The following STRN variants were observed in gnomAD, a reference collection of about 807,000 sequenced individuals.
The protein encoded by STRN is protein phosphatase 2 regulatory subunit B'''alpha.
Under a neutral mutation model 96.3 loss-of-function variants are expected in STRN, and 53 were observed. The observed-to-expected ratio is 0.55, with a 90% CI of 0.44 to 0.69. STRN has a LOEUF of 0.69. Among genes scored for constraint, STRN ranks in the 30% least tolerant of loss-of-function variants. The pLI, the probability that STRN is intolerant of heterozygous loss-of-function variation, is 0.00. For missense variants in STRN, 987 were observed against 963.9 expected, an observed-to-expected ratio of 1.02 and a Z score of -0.32; for synonymous variants, 428 against 355.9, an observed-to-expected ratio of 1.20 and a Z score of -2.28.
At chr2:36,941,148 C>A (rs980648940) in intron 1 of STRN, among the ~76,000 whole-genome samples, 1 of 152,154 alleles carries the variant, frequency 6.6e-6, no homozygotes, top group Non-Finnish European at 1.5e-5. Flanking sequence ...AGAGGTGAGA[C>A]CCTGTCTCAA....
At chr2:36,900,547 T>G (rs570436458) in intron 5 of STRN, among the ~76,000 whole-genome samples, 2 of 152,144 alleles carry the variant, frequency 1.3e-5, no homozygotes, top group Admixed American at 1.3e-4. Context: ...CTCTTAGAAA[T>G]AGTTGAATTT....
chr2:36,958,449 T>C (rs762324345), intron 1 of STRN, among the ~76,000 whole-genome samples: 14 of 152,192 alleles, frequency 9.2e-5, no homozygotes, highest in Non-Finnish European at 1.8e-4. Flanking sequence ...ACAATATTTT[T>C]TTAAGAAATG....
intron 13 of STRN, 61 bp downstream of exon 13, chr2:36,861,071 T>C (rs753886139): frequency 1.3e-5 from 20 of 1,585,406 alleles, no homozygotes; most frequent in Non-Finnish European, 1.7e-5. Flanking sequence ...TTTTATATTC[T>C]ATGAAAAAAT....
At position 36,936,967 on chromosome 2, in the gene STRN, T is replaced by C. The variant is rs138397897; in HGVS notation, c.235-11759A>G. ...AATATGGTTCATGATGGCAGAATTG[T>C]CCAGGTCAATATAGTAAAATACTCT... On this transcript the variant is annotated intron_variant, in intron 1 of 17. Coordinates refer to ENST00000263918, the MANE Select transcript of STRN (RefSeq NM_003162.4). 6.4e-3 allele frequency among the ~76,000 whole-genome samples: 975 copies of C among 152,280 alleles called. 18 individuals carry two copies. Among genetic ancestry groups the C allele is most frequent in the African/African-American group, 0.022 (914 of 41,562 alleles).
chr2:36,871,368 G>T (rs957871901), intron 10 of STRN, among the ~76,000 whole-genome samples: 8 of 152,078 alleles, frequency 5.3e-5, no homozygotes, highest in African/African-American at 1.9e-4. Flanking sequence ...ATTTTTACTG[G>T]ACCTTTTCTA....
chr2:36,932,798 T>G (rs770397740), intron 1 of STRN, among the ~76,000 whole-genome samples: 6 of 152,154 alleles, frequency 3.9e-5, no homozygotes, highest in Non-Finnish European at 8.8e-5. Context: ...AATGTAAGAT[T>G]ACAAACATAG....
rs1037582960 is a variant in STRN, at chr2:36,914,914, C to T, written c.412+1164G>A. ...CACTTTAAAATTTAAAGTGAATATG[C>T]GGCCGGGCGTGGTGGCTCACGCCTG... On this transcript the variant is annotated intron_variant, in intron 3 of 17. Transcript: ENST00000263918. Among the ~76,000 whole-genome samples the T allele has an allele frequency of 7.9e-5, 12 of 152,000 alleles. No homozygotes were observed. In the South Asian group the frequency reaches 1.5e-3, roughly 18 times the overall value.
At chr2:36,857,637 G>T (rs1012917444) in intron 14 of STRN, among the ~76,000 whole-genome samples, 1 of 151,940 alleles carries the variant, frequency 6.6e-6, no homozygotes, top group Non-Finnish European at 1.5e-5. Flanking sequence ...TCCAGCCTGG[G>T]CAACAGAGTG....
chr2:36,964,878 C>A (rs1665121230), intron 1 of STRN, among the ~76,000 whole-genome samples: 1 of 152,186 alleles, frequency 6.6e-6, no homozygotes, highest in Non-Finnish European at 1.5e-5. Context: ...TCTTTCAACA[C>A]AGGGCCTAGA....
rs760121276 is a variant in STRN at position 36,857,845 on chromosome 2, A to G, written c.1837+11T>C. The G allele has an allele frequency of 1.3e-6, 2 of 1,596,174 alleles. No homozygotes were observed. Among genetic ancestry groups the G allele is most frequent in the Admixed American group, 1.7e-5 (1 of 58,498 alleles). ...AGAGGATTCAGCAAAATAATTTTTT[A>G]AAGTATGTACCTTTAGTATCATTAA... is the stretch of plus-strand genomic sequence containing the variant. On this transcript the variant is annotated intron_variant, in intron 14 of 17. Coordinates refer to ENST00000263918, the MANE Select transcript of STRN (RefSeq NM_003162.4).
Position 36,845,508 on chromosome 2 carries a change from T to G in STRN, c.*3948A>C, listed in dbSNP as rs955361818. On this transcript the variant is annotated 3_prime_UTR_variant, in exon 18 of 18. Transcript: ENST00000263918. ...GTGGAATTTTAACTAGTTCAGGTAT[T>G]TAACCTAAAAATATTTACTAGTTGA... is the stretch of plus-strand genomic sequence containing the variant. The G allele has an allele frequency of 2.6e-5, 4 of 152,138 alleles. No homozygotes were observed. Among genetic ancestry groups the G allele is most frequent in the Admixed American group, 2.6e-4 (4 of 15,276 alleles). The allele number at this position is 152,138 out of a possible 1,614,324, so 9.4% of individuals were successfully genotyped here. A position where few individuals can be genotyped will look rare whatever the true frequency, so the allele number is the denominator to read the frequency against.
chr2:36,950,946 C>T (rs1664738402), intron 1 of STRN, among the ~76,000 whole-genome samples: 1 of 151,810 alleles, frequency 6.6e-6, no homozygotes, highest in Non-Finnish European at 1.5e-5. Context: ...TTTTAAAAAG[C>T]AGAGTTCAAA....
At chr2:36,948,409 T>C (rs1186365413) in intron 1 of STRN, among the ~76,000 whole-genome samples, 1 of 152,132 alleles carries the variant, frequency 6.6e-6, no homozygotes, top group Non-Finnish European at 1.5e-5. Flanking sequence ...CAGTTATCAG[T>C]GTATTCAGAT....
chr2:36,924,354 T>TGA (rs1670352786), intron 2 of STRN, among the ~76,000 whole-genome samples: 1 of 40,258 alleles, frequency 2.5e-5, no homozygotes, highest in African/African-American at 1.5e-4. Flanking sequence ...AGACTCCGTT[T>TGA]CAAAAAAAAA....
At position 36,841,286 on chromosome 2, in the gene STRN, T is replaced by C. The variant is rs1667945139; in HGVS notation, c.*8170A>G. ...CAGAGTTGGGAGAAAGCCTGATTCC[T>C]TCTGACCCTGAGATATACAAGGAAA... On this transcript the variant is annotated 3_prime_UTR_variant, in exon 18 of 18. Transcript: ENST00000263918. The C allele has an allele frequency of 6.6e-6, 1 of 152,076 alleles. No homozygotes were observed. Among genetic ancestry groups the C allele is most frequent in the African/African-American group, 2.4e-5 (1 of 41,400 alleles). The allele number at this position is 152,076 out of a possible 1,614,324, so 9.4% of individuals were successfully genotyped here. A position where few individuals can be genotyped will look rare whatever the true frequency, so the allele number is the denominator to read the frequency against.
In STRN at chr2:36,854,543, A is replaced by ACATGTTCACACATGCATGTG. The variant is rs1357696716; in HGVS notation, c.1978+649_1978+668dup. 4.6e-5 allele frequency among the ~76,000 whole-genome samples: 7 copies of ACATGTTCACACATGCATGTG among 152,360 alleles called. No homozygotes were observed. The East Asian group carries it at 1.3e-3, about 29-fold the overall frequency. On this transcript the variant is annotated intron_variant, in intron 15 of 17. Coordinates refer to ENST00000263918, the MANE Select transcript of STRN (RefSeq NM_003162.4). ...AGAACATATGTAAACATATGCATGT[A>ACATGTTCACACATGCATGTG]CATGTTCACACATGCATGTGCACAC...
intron 13 of STRN, 129 bp from the exon 14 acceptor site, chr2:36,858,152 T>C (rs995559284): frequency 1.6e-6 from 1 of 639,804 alleles, no homozygotes; most frequent in Non-Finnish European, 2.4e-6. Context: ...TGGTTTCTAT[T>C]ATTCTTCTGA....
chr2:36,901,501 G>C (rs1012064470), intron 5 of STRN, among the ~76,000 whole-genome samples: 4 of 149,180 alleles, frequency 2.7e-5, no homozygotes, highest in African/African-American at 7.4e-5. Context: ...GCAGTGAGCT[G>C]AGATGGCGCC....
At chr2:36,941,763 G>A (rs919198965) in intron 1 of STRN, among the ~76,000 whole-genome samples, 3 of 150,236 alleles carry the variant, frequency 2.0e-5, no homozygotes, top group African/African-American at 7.5e-5. Context: ...ATGTCAGCCA[G>A]GCTGGTCTCG....
Sources: gnomAD v4.1 joint callset for allele counts (sites outside exome capture counted in the v4.1 genomes callset) on GRCh38, gnomAD v4.1.1 for gene constraint, MANE v1.5 for transcripts, NCBI Gene and HGNC (gene_info 2026-07-23, HGNC 2026-07-21) for gene names.